Variants in BMPR2 observed in about 807,000 individuals in gnomAD.
The protein encoded by BMPR2 is bone morphogenetic protein receptor type 2.
Under a neutral mutation model 100.8 loss-of-function variants are expected in BMPR2, and 29 were observed. That is an observed-to-expected ratio of 0.29 (90% CI 0.21 to 0.39). The LOEUF (loss-of-function observed/expected upper bound fraction) is 0.39, where lower values mean the gene tolerates loss of function less well. Among genes scored for constraint, BMPR2 ranks in the 10% least tolerant of loss-of-function variants. BMPR2 has a pLI of 1.00. For synonymous variants in BMPR2, 382 were observed against 442.3 expected, an observed-to-expected ratio of 0.86 and a Z score of 1.71; for missense variants, 1,011 against 1,274.5, an observed-to-expected ratio of 0.79 and a Z score of 3.15.
chr2:202,508,658 T>C (rs1485228156), intron 3 of BMPR2, among the ~76,000 whole-genome samples: 1 of 152,206 alleles, frequency 6.6e-6, no homozygotes, highest in Non-Finnish European at 1.5e-5. Flanking sequence ...AAATGTTTCA[T>C]TGGATAACAA....
intron 1 of BMPR2, among the ~76,000 whole-genome samples, chr2:202,448,216 G>A (rs768299543): frequency 2.6e-5 from 4 of 151,138 alleles, no homozygotes; most frequent in African/African-American, 9.8e-5. Flanking sequence ...TTGGGAGGCC[G>A]AGGCGGGCGG....
intron 1 of BMPR2, among the ~76,000 whole-genome samples, chr2:202,405,711 A>G (rs13410099): frequency 8.1e-4 from 119 of 146,274 alleles, no homozygotes; most frequent in African/African-American, 2.8e-3. Flanking sequence ...AAAAAAAAAA[A>G]GCAGGGAAAA....
intron 1 of BMPR2, among the ~76,000 whole-genome samples, chr2:202,449,146 T>C (rs1407306166): frequency 2.0e-5 from 3 of 151,576 alleles, no homozygotes; most frequent in African/African-American, 7.3e-5. Context: ...CTGTCTCTAC[T>C]AAAAATACAG....
At chr2:202,556,939 C>T (rs995980433) in intron 12 of BMPR2, among the ~76,000 whole-genome samples, 3 of 151,846 alleles carry the variant, frequency 2.0e-5, no homozygotes, top group Admixed American at 6.6e-5. Context: ...AAAAATTAGC[C>T]AGGCGTGGTG....
chr2:202,481,718 A>G (rs1692663576), intron 3 of BMPR2, among the ~76,000 whole-genome samples: 1 of 152,186 alleles, frequency 6.6e-6, no homozygotes, highest in Admixed American at 6.5e-5. Flanking sequence ...TACAAGCCTT[A>G]CAGTTCTTTT....
chr2:202,511,986 G>C (rs1252244100), intron 3 of BMPR2, among the ~76,000 whole-genome samples: 2 of 150,252 alleles, frequency 1.3e-5, no homozygotes, highest in South Asian at 4.2e-4. Context: ...GCACCACTGA[G>C]CTCCAGCCTG....
chr2:202,451,554 C>T (rs1691984363), intron 1 of BMPR2, among the ~76,000 whole-genome samples: 1 of 151,984 alleles, frequency 6.6e-6, no homozygotes, highest in Non-Finnish European at 1.5e-5. Context: ...CAAAAATTAG[C>T]CGGGTGTGGT....
intron 7 of BMPR2, among the ~76,000 whole-genome samples, chr2:202,522,174 C>T (rs79033902): frequency 2.7e-5 from 4 of 148,540 alleles, no homozygotes; most frequent in Admixed American, 6.7e-5. Flanking sequence ...AACAAAAAAA[C>T]GAAAGAAAAA....
chr2:202,440,198 A>G (rs538665647), intron 1 of BMPR2, among the ~76,000 whole-genome samples: 2 of 150,786 alleles, frequency 1.3e-5, no homozygotes, highest in East Asian at 1.9e-4. Context: ...CAAAACCGCC[A>G]TCCTCATCGT....
At chr2:202,525,899 C>T (rs555894928) in intron 7 of BMPR2, among the ~76,000 whole-genome samples, 2 of 115,376 alleles carry the variant, frequency 1.7e-5, no homozygotes, top group South Asian at 5.9e-4. Flanking sequence ...GAGTTTAGCT[C>T]TTGCTGCTCA....
chr2:202,454,501 C>T (rs546641952), intron 1 of BMPR2, among the ~76,000 whole-genome samples: 56 of 152,152 alleles, frequency 3.7e-4, no homozygotes, highest in African/African-American at 1.3e-3. Context: ...ATTTGATTTT[C>T]GGTAACAGTC....
intron 1 of BMPR2, among the ~76,000 whole-genome samples, chr2:202,384,990 T>C (rs574826798): frequency 6.1e-4 from 93 of 152,308 alleles, no homozygotes; most frequent in African/African-American, 2.2e-3. Flanking sequence ...TACATGATCA[T>C]GTACTTTCAT....
At position 202,473,566 on chromosome 2, in the gene BMPR2, G is replaced by A. The variant is rs139171908; in HGVS notation, c.418+5877G>A. Among the ~76,000 whole-genome samples the A allele has an allele frequency of 2.7e-3, 405 of 152,244 alleles. 1 individual carries two copies. The highest frequency in any genetic ancestry group is 7.4e-3 in the African/African-American group (307 of 41,536). On this transcript the variant is annotated intron_variant, in intron 3 of 12. Coordinates refer to ENST00000374580, the MANE Select transcript of BMPR2 (RefSeq NM_001204.7). The stretch of plus-strand genomic sequence containing the variant: ...AGCAGTTTGAGAGGCCAAGGCGGGC[G>A]GCTCACTTGAGGTCAGGAGTTTGAG...
At chr2:202,407,973 A>G (rs914060822) in intron 1 of BMPR2, among the ~76,000 whole-genome samples, 2 of 151,486 alleles carry the variant, frequency 1.3e-5, no homozygotes. Context: ...AGCTGGGACT[A>G]CAGGTGCCCA....
At chr2:202,404,354 G>A (rs569783515) in intron 1 of BMPR2, among the ~76,000 whole-genome samples, 1 of 151,834 alleles carries the variant, frequency 6.6e-6, no homozygotes, top group Non-Finnish European at 1.5e-5. Flanking sequence ...ACTGCACCCG[G>A]CTAATTTTTA....
In BMPR2 at chr2:202,559,884, C is replaced by T; in HGVS notation, c.3055C>T (p.Leu1019Phe). ...TTCCAAATCCAGCACTGCTGTTTAC[C>T]TTGCAGAAGGAGGCACTGCTACAAC... Reference protein sequence around the residue: ...VHSKSSTAVYLAEGGTATTMV... With the variant: ...VHSKSSTAVYFAEGGTATTMV... The change falls in exon 13 of 13, where the codon CTT (leucine) becomes TTT (phenylalanine). Residue 1019 changes from leucine (L) to phenylalanine (F), a missense_variant. By Grantham distance (22) the Leu-to-Phe change is conservative. Around this residue, in one of 6 missense-constraint regions of BMPR2, gnomAD observed 58 missense variants for 72.3 expected, o/e 0.80. Coordinates refer to ENST00000374580, the MANE Select transcript of BMPR2 (RefSeq NM_001204.7). 2.5e-6 allele frequency: 4 copies of T among 1,614,094 alleles called. No homozygotes were observed. The South Asian group carries it at 3.3e-5, about 13-fold the overall frequency.
chr2:202,470,129 G>C (rs1692405241), intron 3 of BMPR2, among the ~76,000 whole-genome samples: 1 of 151,942 alleles, frequency 6.6e-6, no homozygotes, highest in Non-Finnish European at 1.5e-5. Context: ...AGATCACGAG[G>C]TAAAGAGATC....
rs1690164756 is a variant in BMPR2 at position 202,377,114 on chromosome 2, G to A, written c.-361G>A. 3.5e-6 allele frequency: 2 copies of A among 568,758 alleles called. No individual in the cohort carries two copies. The highest frequency in any genetic ancestry group is 6.2e-6 in the Non-Finnish European group (2 of 322,002). 35.2% of individuals were successfully genotyped at this position (568,758 alleles called of 1,614,324 possible). A position where few individuals can be genotyped will look rare whatever the true frequency, so the allele number is the denominator to read the frequency against. On this transcript the variant is annotated 5_prime_UTR_variant, in exon 1 of 13. An upstream start codon of the reference 5' UTR is lost. Coordinates refer to ENST00000374580, the MANE Select transcript of BMPR2 (RefSeq NM_001204.7). ...TCCCCGCCCTCCGCACCCTGGATAT[G>A]TTTTCTCCCAGACCTGGATATTTTT... is the stretch of plus-strand genomic sequence containing the variant.
In BMPR2 at chr2:202,497,314, C is replaced by T. The variant is rs114454430; in HGVS notation, c.419-16405C>T. ...CTGAGCGGTGAGAGCATCACCTATC[C>T]GCAAGCAGTGAGTACCATCGGACCC... On this transcript the variant is annotated intron_variant, in intron 3 of 12. Transcript: ENST00000374580. 4.5e-3 allele frequency among the ~76,000 whole-genome samples: 691 copies of T among 152,326 alleles called. 2 individuals are homozygous for T. Among genetic ancestry groups the T allele is most frequent in the African/African-American group, 0.015 (613 of 41,580 alleles).
Sources: allele counts gnomAD v4.1 joint callset (sites outside exome capture counted in the v4.1 genomes callset), GRCh38; gene constraint gnomAD v4.1.1; regional missense constraint gnomAD v4.1.1; transcripts MANE v1.5; gene names NCBI Gene and HGNC (gene_info 2026-07-23, HGNC 2026-07-21).